The following UGT1A6 variants were observed in gnomAD, a reference collection of about 807,000 sequenced individuals.
UGT1A6 encodes the protein UDP glucuronosyltransferase family 1 member A6.
Under a neutral mutation model 44.4 loss-of-function variants are expected in UGT1A6, and 32 were observed. The observed-to-expected ratio is 0.72, with a 90% confidence interval of 0.54 to 0.97. The LOEUF (loss-of-function observed/expected upper bound fraction) is 0.97. UGT1A6 is among the 50% of genes least tolerant of loss of function. The pLI, the probability that UGT1A6 is intolerant of heterozygous loss-of-function variation, is 0.00. For synonymous variants in UGT1A6, 238 were observed against 248.5 expected (o/e 0.96, Z 0.40); for missense variants, 685 against 661.9 (o/e 1.03, Z -0.38).
intron 1 of UGT1A6, among the ~76,000 whole-genome samples, chr2:233,744,939 T>C (rs1164592780): frequency 6.6e-6 from 1 of 151,916 alleles, no homozygotes; most frequent in Non-Finnish European, 1.5e-5. Context: ...AATGACACAG[T>C]ATTTGTATAT....
At chr2:233,722,096 T>C (rs1392126534) in intron 1 of UGT1A6, 1 of 203,514 alleles carries the variant, frequency 4.9e-6, no homozygotes, top group East Asian at 1.4e-4. Context: ...ACCTTAGGCC[T>C]CTTAGAGGAA....
chr2:233,725,665 A>G (rs933805382), intron 1 of UGT1A6, among the ~76,000 whole-genome samples: 6 of 152,202 alleles, frequency 3.9e-5, no homozygotes, highest in Admixed American at 3.9e-4. Context: ...TCAATTTGGA[A>G]TAGTCACATT....
At chr2:233,757,539 T>TATATACATATACATAC (rs762018928) in intron 1 of UGT1A6, among the ~76,000 whole-genome samples, 3 of 115,748 alleles carry the variant, frequency 2.6e-5, no homozygotes, top group Admixed American at 2.5e-4. Context: ...GTAAGGAATA[T>TATATACATATACATAC]ATATATATAT....
intron 1 of UGT1A6, chr2:233,713,817 A>G (rs776318563): frequency 1.2e-6 from 2 of 1,614,092 alleles, no homozygotes; most frequent in South Asian, 1.1e-5. Flanking sequence ...CATGGTCTTC[A>G]TTGGGGGCAT....
At chr2:233,764,342 C>T (rs1016981784) in intron 1 of UGT1A6, among the ~76,000 whole-genome samples, 3 of 152,154 alleles carry the variant, frequency 2.0e-5, no homozygotes, top group Admixed American at 1.3e-4. Context: ...ATGGACTTCA[C>T]CTTTATTGAG....
chr2:233,765,939 C>T (rs570894932), intron 1 of UGT1A6, among the ~76,000 whole-genome samples: 8 of 152,214 alleles, frequency 5.3e-5, no homozygotes, highest in African/African-American at 1.7e-4. Flanking sequence ...GGTTGTGGGG[C>T]TCTGACCTCA....
chr2:233,713,140 A>G (rs759679762), intron 1 of UGT1A6: 1 of 1,614,108 alleles, frequency 6.2e-7, no homozygotes, highest in South Asian at 1.1e-5. Context: ...GCCTTGCGGG[A>G]CCTCCATGCG....
In UGT1A6 at chr2:233,731,732, C is replaced by T. The variant is rs376493971; in HGVS notation, c.862-35302C>T. Among the ~76,000 whole-genome samples, 8 of 152,220 alleles carry T rather than the reference C, an allele frequency of 5.3e-5. No homozygotes were observed. In the East Asian group the frequency reaches 1.3e-3, roughly 26 times the overall value. On this transcript the variant is annotated intron_variant, in intron 1 of 4. Transcript: ENST00000305139. ...CAGGTCTTTGCTATTGTGAATAGTG[C>T]CACAATAAACATACGTGTGCATGTG...
At chr2:233,759,288 G>A (rs1441627679) in intron 1 of UGT1A6, among the ~76,000 whole-genome samples, 1 of 152,182 alleles carries the variant, frequency 6.6e-6, no homozygotes, top group African/African-American at 2.4e-5. Context: ...GGTTGATGAA[G>A]CTGAGCCCTG....
intron 1 of UGT1A6, among the ~76,000 whole-genome samples, chr2:233,710,997 T>G (rs1288211350): frequency 6.6e-6 from 1 of 152,218 alleles, no homozygotes; most frequent in Admixed American, 6.5e-5. Context: ...ATCAGGCTAT[T>G]GGATGCCTTT....
rs1433433254 is a variant in UGT1A6 at position 233,729,616 on chromosome 2, T to A, written c.861+35751T>A. On this transcript the variant is annotated intron_variant, in intron 1 of 4. Coordinates refer to ENST00000305139, the MANE Select transcript of UGT1A6 (RefSeq NM_001072.4). ...CCTCTGCGCGGCAGTGCTGGCTAAG[T>A]ACCTGTCGATTCCTACTGTGTTTTT... 3 of 1,614,044 alleles carry A rather than the reference T, an allele frequency of 1.9e-6. No homozygotes were observed. The Admixed American group carries it at 5.0e-5, about 27-fold the overall frequency.
At chr2:233,724,358 C>A (rs2077236787) in intron 1 of UGT1A6, among the ~76,000 whole-genome samples, 6 of 147,934 alleles carry the variant, frequency 4.1e-5, no homozygotes, top group Non-Finnish European at 3.0e-5. Flanking sequence ...CACCTCCCTC[C>A]CGGACGGGGT....
intron 1 of UGT1A6, among the ~76,000 whole-genome samples, chr2:233,745,989 G>A (rs1477607074): frequency 1.3e-5 from 2 of 151,676 alleles, no homozygotes; most frequent in Admixed American, 1.3e-4. Context: ...ATGACAGCTG[G>A]GTCTGAGAGA....
intron 1 of UGT1A6, chr2:233,729,207 G>C (rs6706232): frequency 6.2e-7 from 1 of 1,613,766 alleles, no homozygotes; most frequent in Non-Finnish European, 8.5e-7. Flanking sequence ...CCTGGGCTGA[G>C]AGTGGAAAGG....
At chr2:233,731,273 A>G (rs1323685253) in intron 1 of UGT1A6, among the ~76,000 whole-genome samples, 1 of 147,192 alleles carries the variant, frequency 6.8e-6, no homozygotes. Flanking sequence ...TTGCCCTTCC[A>G]GTTTTTCTTT....
chr2:233,711,393 C>T (rs2076178723), intron 1 of UGT1A6, among the ~76,000 whole-genome samples: 1 of 152,238 alleles, frequency 6.6e-6, no homozygotes, highest in South Asian at 2.1e-4. Context: ...AGGTGTGTTC[C>T]ACCCTCACCC....
Position 233,760,677 on chromosome 2 carries a change from A to T in UGT1A6, c.862-6357A>T, listed in dbSNP as rs555950591. 1.9e-6 allele frequency: 3 copies of T among 1,614,148 alleles called. No individual in the cohort carries two copies. The African/African-American group carries it at 4.0e-5, about 22-fold the overall frequency. On this transcript the variant is annotated intron_variant, in intron 1 of 4. Transcript: ENST00000305139. ...TGCTTTTGTCTGGCTGTTCCCACTT[A>T]CTGCACAACAAGGAGCTCATGGCCT...
At chr2:233,759,853 T>C (rs938114684) in intron 1 of UGT1A6, among the ~76,000 whole-genome samples, 15 of 152,176 alleles carry the variant, frequency 9.9e-5, no homozygotes, top group African/African-American at 3.6e-4. Context: ...CAGGTTTCCA[T>C]GGCGAAAGCG....
At chr2:233,754,769 C>T in intron 1 of UGT1A6, 4 of 1,026,872 alleles carry the variant, frequency 3.9e-6, no homozygotes, top group Non-Finnish European at 5.4e-6. Context: ...CCCCACTTCC[C>T]AGGGAGCCAA....
Sources: gnomAD v4.1 joint callset for allele counts (sites outside exome capture counted in the v4.1 genomes callset) on GRCh38, gnomAD v4.1.1 for gene constraint, MANE v1.5 for transcripts, NCBI Gene and HGNC (gene_info 2026-07-23, HGNC 2026-07-21) for gene names.